Variants in POLR2F observed in about 807,000 individuals in gnomAD.
POLR2F encodes DNA-directed RNA polymerases I, II, and III subunit RPABC2.
Under a neutral mutation model 22.7 loss-of-function variants are expected in POLR2F, and 12 were observed. The ratio of observed to expected loss-of-function variants is 0.53; its 90% confidence interval spans 0.34 to 0.86. The LOEUF is 0.86. Among genes scored for constraint, POLR2F ranks in the 40% least tolerant of loss-of-function variants. The pLI, the probability that POLR2F is intolerant of heterozygous loss-of-function variation, is 0.02. For synonymous variants in POLR2F, 57 were observed against 66.0 expected (o/e 0.86, Z 0.66); for missense variants, 126 against 171.5 (o/e 0.73, Z 1.48).
chr22:38,030,296 T>C (rs938416286), downstream of POLR2F, among the ~76,000 whole-genome samples: 1 of 152,100 alleles, frequency 6.6e-6, no homozygotes, highest in African/African-American at 2.4e-5. Context: ...TGGACAGTCA[T>C]GTGCTGGTAA....
chr22:37,993,239 G>T (rs1321604888), intron 1 of POLR2F, among the ~76,000 whole-genome samples: 1 of 152,182 alleles, frequency 6.6e-6, no homozygotes, highest in African/African-American at 2.4e-5. Flanking sequence ...GCAGCTTAGG[G>T]GAAGGGGCTT....
At chr22:38,040,954 T>C in intron 5 of POLR2F, 1 of 1,540,982 alleles carries the variant, frequency 6.5e-7, no homozygotes, top group South Asian at 1.1e-5. Flanking sequence ...GAGAGAATAA[T>C]GATGACAACA....
At position 37,965,454 on chromosome 22, in the gene POLR2F, A is replaced by C. The variant is rs543524406; in HGVS notation, c.222-1645A>C. Among the ~76,000 whole-genome samples the C allele has an allele frequency of 6.6e-5, 10 of 152,374 alleles. No homozygotes were observed. In the South Asian group the frequency reaches 2.1e-3, roughly 32 times the overall value. ...AGAAGCCATGGTGCAAGAAAAATTA[A>C]ATTACTTAAGGACACATTCTTGCAC... On this transcript the variant is annotated intron_variant, in intron 3 of 4. Coordinates refer to ENST00000442738, the MANE Select transcript of POLR2F (RefSeq NM_021974.5).
Position 37,997,931 on chromosome 22 carries a change from G to A in POLR2F, c.120+11619G>A, listed in dbSNP as rs75825945. Among the ~76,000 whole-genome samples, 1,761 of 152,306 alleles carry A rather than the reference G, an allele frequency of 0.012. 33 individuals are homozygous for A. Among genetic ancestry groups the A allele is most frequent in the African/African-American group, 0.04 (1,674 of 41,568 alleles). On this transcript the variant is annotated intron_variant, in intron 1 of 2. Coordinates refer to the POLR2F transcript ENST00000333418. The surrounding 1 kb of genome is among the most constrained non-coding windows in gnomAD (Gnocchi z 4.4). ...CAGGATTTGTACCATCTCCTGGCGC[G>A]AGAGCCAGGGTTGCCCAGATTGATG...
chr22:37,998,183 A>T (rs1442657587), intron 1 of POLR2F, among the ~76,000 whole-genome samples: 1 of 152,096 alleles, frequency 6.6e-6, no homozygotes, highest in African/African-American at 2.4e-5. Context: ...GGGCAGGGGC[A>T]GGGAATGAGG....
At chr22:37,955,554 G>C (rs567579598) in intron 1 of POLR2F, among the ~76,000 whole-genome samples, 213 of 141,702 alleles carry the variant, frequency 1.5e-3, no homozygotes, top group Non-Finnish European at 1.5e-3. Context: ...AAAAAAAAAT[G>C]CTGATGGGAA....
At chr22:37,990,368 G>A (rs1285710852) in intron 1 of POLR2F, among the ~76,000 whole-genome samples, 5 of 152,250 alleles carry the variant, frequency 3.3e-5, no homozygotes, top group Non-Finnish European at 5.9e-5. Flanking sequence ...AGGAAGCTGG[G>A]GCCAGTGTCC....
intron 1 of POLR2F, among the ~76,000 whole-genome samples, chr22:37,993,404 C>T (rs763322282): frequency 3.3e-4 from 50 of 152,288 alleles, no homozygotes; most frequent in Middle Eastern, 3.4e-3. Context: ...TGCTCTCACC[C>T]GGTTTACTGC....
chr22:38,020,269 A>T (rs539015255), intron 1 of POLR2F, among the ~76,000 whole-genome samples: 22 of 148,336 alleles, frequency 1.5e-4, no homozygotes, highest in East Asian at 1.2e-3. Context: ...ATACATATTT[A>T]AAAAAAATTT....
chr22:37,970,213 GA>G (rs1932002032), downstream of POLR2F, among the ~76,000 whole-genome samples: 1 of 151,170 alleles, frequency 6.6e-6, no homozygotes, highest in Non-Finnish European at 1.5e-5. Context: ...AGAATGGCGT[GA>G]ACCCGGGAGG....
intron 1 of POLR2F, among the ~76,000 whole-genome samples, chr22:38,003,001 A>G (rs758984804): frequency 6.6e-6 from 1 of 152,112 alleles, no homozygotes; most frequent in Non-Finnish European, 1.5e-5. Context: ...CTAGGATTAC[A>G]GGCGTGACCC....
At chr22:38,004,886 G>A (rs937725548) in intron 1 of POLR2F, among the ~76,000 whole-genome samples, 25 of 152,310 alleles carry the variant, frequency 1.6e-4, no homozygotes, top group African/African-American at 5.5e-4. Flanking sequence ...AGAGGTTGCG[G>A]TGAGCTGAAA....
At chr22:38,037,916 ATAAG>A (rs370046287) in intron 5 of POLR2F, among the ~76,000 whole-genome samples, 163 of 152,128 alleles carry the variant, frequency 1.1e-3, no homozygotes, top group African/African-American at 3.7e-3. Flanking sequence ...TGCTTTTTGA[ATAAG>A]TAGCCTCAGC....
rs1375002811 is a variant in POLR2F, at chr22:38,004,103, C to T, written c.120+17791C>T. Among the ~76,000 whole-genome samples the T allele has an allele frequency of 4.6e-5, 7 of 152,294 alleles. No individual in the cohort carries two copies. In the East Asian group the frequency reaches 1.4e-3, roughly 29 times the overall value. On this transcript the variant is annotated intron_variant, in intron 1 of 2. Coordinates refer to the POLR2F transcript ENST00000333418. ...TCCTCAGCTAAAAAAATCCTCCTGC[C>T]TCAGTCTCCAGAGTAGCTTGGACTA...
chr22:37,967,326 G>C (rs1200869191), intron 4 of POLR2F, 156 bp downstream of exon 4: 1 of 1,485,728 alleles, frequency 6.7e-7, no homozygotes, highest in East Asian at 2.5e-5. Flanking sequence ...AGGAGGAAGA[G>C]AGAAGAGGAG....
Position 38,017,719 on chromosome 22 carries a change from C to A in POLR2F, c.121-8150C>A, listed in dbSNP as rs911928601. Among the ~76,000 whole-genome samples the A allele has an allele frequency of 1.3e-5, 2 of 152,208 alleles. No individual in the cohort carries two copies. The highest frequency in any genetic ancestry group is 2.9e-5 in the Non-Finnish European group (2 of 68,042). On this transcript the variant is annotated intron_variant, in intron 1 of 2. Coordinates refer to the POLR2F transcript ENST00000333418. This position sits in a 1 kb window ranked among gnomAD's most constrained non-coding sequence, Gnocchi z 4.1. ...CTCTGTAGCACCAGCCAAGAAGTCA[C>A]CCGCCCCCGCTGGCACAGCTCCAGT...
At chr22:38,032,103 T>G (rs1047085062) in intron 5 of POLR2F, 3 of 152,184 alleles carry the variant, frequency 2.0e-5, no homozygotes, top group African/African-American at 7.2e-5. Flanking sequence ...GCTTAAGTGA[T>G]CCTCCCACTT....
chr22:37,960,468 G>C (rs571107192), intron 3 of POLR2F, among the ~76,000 whole-genome samples: 1 of 152,250 alleles, frequency 6.6e-6, no homozygotes, highest in South Asian at 2.1e-4. Flanking sequence ...CGCGTTCTCC[G>C]CTCACTGCAA....
intron 1 of POLR2F, among the ~76,000 whole-genome samples, chr22:37,988,522 G>A (rs974302395): frequency 4.0e-5 from 6 of 151,548 alleles, no homozygotes; most frequent in Admixed American, 6.6e-5. Context: ...ATGGTGGCAC[G>A]CACCTGTAAT....
Sources: allele counts gnomAD v4.1 joint callset (sites outside exome capture counted in the v4.1 genomes callset), GRCh38; gene constraint gnomAD v4.1.1; non-coding constraint Gnocchi (gnomAD v3.1); transcripts MANE v1.5; gene names NCBI Gene and HGNC (gene_info 2026-07-23, HGNC 2026-07-21).